The following ORC5 variants were observed in gnomAD, a reference collection of about 807,000 sequenced individuals.
ORC5 encodes origin recognition complex subunit 5.
A neutral mutation model predicts 58.8 loss-of-function variants in ORC5; 39 were observed. The ratio of observed to expected loss-of-function variants is 0.66; its 90% confidence interval spans 0.51 to 0.87. The LOEUF (loss-of-function observed/expected upper bound fraction) is 0.87. ORC5 is among the 40% of genes least tolerant of loss of function. The pLI is 0.00. For synonymous variants in ORC5, 218 were observed against 177.6 expected, an observed-to-expected ratio of 1.23 and a Z score of -1.81; for missense variants, 493 against 506.3, an observed-to-expected ratio of 0.97 and a Z score of 0.25.
chr7:104,203,478 A>G lies in ORC5; in HGVS notation c.165+664T>C, dbSNP rs138858486. Among the ~76,000 whole-genome samples the G allele has an allele frequency of 3.2e-4, 49 of 152,354 alleles. 1 individual carries two copies. The highest frequency in any genetic ancestry group is 1.2e-3 in the African/African-American group (49 of 41,584). On this transcript the variant is annotated intron_variant, in intron 2 of 13. Transcript: ENST00000297431. ...AAAGGGAGTATGGCAATACTCATCA[A>G]TAATAGCAGCTAACCTTTATTGAGT...
chr7:104,178,987 GAAAGT>G (rs976749628), intron 8 of ORC5, among the ~76,000 whole-genome samples: 5 of 151,880 alleles, frequency 3.3e-5, no homozygotes, highest in Non-Finnish European at 5.9e-5. Context: ...GGTTATTTTA[GAAAGT>G]AAATTTAAGA....
In ORC5 at chr7:104,129,869, C is replaced by G. The variant is rs1417195221; in HGVS notation, c.1263-2976G>C. On this transcript the variant is annotated intron_variant, in intron 13 of 13. Coordinates refer to ENST00000297431, the MANE Select transcript of ORC5 (RefSeq NM_002553.4). The surrounding 1 kb of genome is among the most constrained non-coding windows in gnomAD (Gnocchi z 4.9). ...CACGAATAGTGTGGTGGCAATTTTC[C>G]TAGGAGTAATTCTTAAATCAGAATT... 1.3e-5 allele frequency among the ~76,000 whole-genome samples: 2 copies of G among 152,116 alleles called. No homozygotes were observed. The highest frequency in any genetic ancestry group is 2.9e-5 in the Non-Finnish European group (2 of 68,034).
At chr7:104,189,330 C>T (rs376280111) in intron 5 of ORC5, among the ~76,000 whole-genome samples, 6 of 152,032 alleles carry the variant, frequency 3.9e-5, no homozygotes, top group East Asian at 1.9e-4. Context: ...GGGAAAATGC[C>T]GGATACTTAT....
rs761457297 is a variant in ORC5 at position 104,138,896 on chromosome 7, C to G, written c.1150-2003G>C. 3.3e-5 allele frequency among the ~76,000 whole-genome samples: 5 copies of G among 152,162 alleles called. No individual in the cohort carries two copies. The highest frequency in any genetic ancestry group is 7.4e-5 in the Non-Finnish European group (5 of 68,022). The stretch of plus-strand genomic sequence containing the variant: ...AAAGCAAAAGTGTATTTTGATAGGT[C>G]AAAATCAAAGTACAAAATCACTTAA... On this transcript the variant is annotated intron_variant, in intron 12 of 13. Coordinates refer to ENST00000297431, the MANE Select transcript of ORC5 (RefSeq NM_002553.4). This position sits in a 1 kb window ranked among gnomAD's most constrained non-coding sequence, Gnocchi z 4.7.
intron 5 of ORC5, among the ~76,000 whole-genome samples, chr7:104,191,261 C>T (rs1471885591): frequency 1.3e-5 from 2 of 151,466 alleles, no homozygotes; most frequent in East Asian, 1.9e-4. Flanking sequence ...CTAAAAGGTA[C>T]CATAAAACTT....
chr7:104,204,190 A>C lies in ORC5; in HGVS notation c.117T>G (p.Thr39=). Residue 39 remains threonine, a synonymous_variant, in exon 2 of 14, where the codon ACT becomes ACG. Coordinates refer to ENST00000297431, the MANE Select transcript of ORC5 (RefSeq NM_002553.4). ...GTGTTACATAGGTCTTTCCACTAGC[A>C]GTATGTCCATAAATAAAAATGGATG... ...SFPSIFIYGH[T]ASGKTYVTQT... The C allele has an allele frequency of 6.2e-7, 1 of 1,602,560 alleles. No individual in the cohort carries two copies. Among genetic ancestry groups the C allele is most frequent in the Non-Finnish European group, 8.5e-7 (1 of 1,174,308 alleles).
chr7:104,195,136 G>A lies in ORC5; in HGVS notation c.553+7C>T. 2.8e-6 allele frequency: 4 copies of A among 1,454,254 alleles called. No homozygotes were observed. Among genetic ancestry groups the A allele is most frequent in the Non-Finnish European group, 3.7e-6 (4 of 1,069,356 alleles). The allele number at this position is 1,454,254 out of a possible 1,614,324, so 90.1% of individuals were successfully genotyped here. A position where few individuals can be genotyped will look rare whatever the true frequency, so the allele number is the denominator to read the frequency against. On this transcript the variant is annotated splice_region_variant and intron_variant, in intron 5 of 13. Transcript: ENST00000297431. ...ATCATTTGCCAAAACAATGTTTTAA[G>A]GTTTACCTATGCTGTAATCAGGGAA...
In ORC5 at chr7:104,160,187, T is replaced by C. The variant is rs191635202; in HGVS notation, c.1149+885A>G. Among the ~76,000 whole-genome samples, 19 of 152,290 alleles carry C rather than the reference T, an allele frequency of 1.2e-4. No homozygotes were observed. In the East Asian group the frequency reaches 3.1e-3, roughly 25 times the overall value. ...CTATCTAAATTCAATGTTGAGAAAA[T>C]TGAGATTATATTTGTTACTCAAACT... On this transcript the variant is annotated intron_variant, in intron 12 of 13. Transcript: ENST00000297431.
At position 104,136,840 on chromosome 7, in the gene ORC5, C is replaced by A. The variant is rs202140177; in HGVS notation, c.1203G>T (p.Gln401His). 1 of 1,614,050 alleles carries A rather than the reference C, an allele frequency of 6.2e-7. No individual in the cohort carries two copies. The highest frequency in any genetic ancestry group is 8.5e-7 in the Non-Finnish European group (1 of 1,179,940). ...QLLTLVGHDD[Q>H]LDGPKYKCTV... ...TGCATTTGTATTTTGGTCCATCAAG[C>A]TGATCGTCATGGCCAACCAGGGTTA... is the stretch of plus-strand genomic sequence containing the variant. Residue 401 changes from glutamine to histidine, a missense_variant, in exon 13 of 14, where the codon CAG (glutamine) becomes CAT (histidine). Transcript: ENST00000297431. The surrounding 1 kb of genome is among the most constrained non-coding windows in gnomAD (Gnocchi z 4.2).
chr7:104,154,695 A>G (rs1389846166), intron 12 of ORC5, among the ~76,000 whole-genome samples: 3 of 151,760 alleles, frequency 2.0e-5, no homozygotes, highest in Non-Finnish European at 4.4e-5. Flanking sequence ...CCAACCATGG[A>G]AAAAAAATAA....
chr7:104,126,729 C>A lies in ORC5; in HGVS notation c.*119G>T. ...CATCAGATTCCATGCTGGGCCAGCA[C>A]CTGTTTGGACAAATCCAATAGAGCC... On this transcript the variant is annotated 3_prime_UTR_variant, in exon 14 of 14. Transcript: ENST00000297431. 1.5e-6 allele frequency: 1 copy of A among 676,160 alleles called. No homozygotes were observed. The allele number at this position is 676,160 out of a possible 1,614,324, so 41.9% of individuals were successfully genotyped here.
At chr7:104,207,731 T>G (rs1225044565) in intron 1 of ORC5, 102 bp downstream of exon 1, 1 of 1,112,772 alleles carries the variant, frequency 9.0e-7, no homozygotes, top group African/African-American at 1.5e-5. Context: ...AAAACGGCCT[T>G]TTGGCCCTCA....
intron 8 of ORC5, among the ~76,000 whole-genome samples, chr7:104,170,208 GT>G (rs911043850): frequency 3.3e-4 from 50 of 152,158 alleles, no homozygotes; most frequent in African/African-American, 9.4e-4. Flanking sequence ...AAGCTCAGAG[GT>G]TTTTTTCTGT....
At chr7:104,188,510 T>C in intron 5 of ORC5, 129 bp from the exon 6 acceptor site, 1 of 590,108 alleles carries the variant, frequency 1.7e-6, no homozygotes, top group Non-Finnish European at 2.9e-6. Flanking sequence ...ATAATAAAAC[T>C]ATTACAAGAT....
chr7:104,194,817 A>C (rs1037588404), intron 5 of ORC5, among the ~76,000 whole-genome samples: 47 of 152,160 alleles, frequency 3.1e-4, no homozygotes, highest in Admixed American at 3.1e-3. Flanking sequence ...AGAGCTGCTC[A>C]TCCAAAAAAA....
chr7:104,159,802 T>A (rs893251821), intron 12 of ORC5, among the ~76,000 whole-genome samples: 1 of 152,196 alleles, frequency 6.6e-6, no homozygotes, highest in Non-Finnish European at 1.5e-5. Flanking sequence ...CTCCATTGCT[T>A]ATAATAAAGA....
intron 12 of ORC5, among the ~76,000 whole-genome samples, chr7:104,146,639 G>A (rs931115996): frequency 1.3e-4 from 20 of 152,172 alleles, no homozygotes; most frequent in African/African-American, 4.6e-4. Flanking sequence ...CAGTTAACAG[G>A]AATTGGGGAA....
chr7:104,193,323 G>C (rs1799718904), intron 5 of ORC5, among the ~76,000 whole-genome samples: 2 of 151,984 alleles, frequency 1.3e-5, no homozygotes, highest in Admixed American at 1.3e-4. Flanking sequence ...ATGTTCTTAG[G>C]TAGGAAACTG....
intron 13 of ORC5, among the ~76,000 whole-genome samples, chr7:104,134,055 G>T (rs1306001426): frequency 6.6e-6 from 1 of 152,154 alleles, no homozygotes; most frequent in Non-Finnish European, 1.5e-5. Context: ...CTTCAACCTT[G>T]TTCTGTGAAA....
Sources: gnomAD v4.1 joint callset for allele counts (sites outside exome capture counted in the v4.1 genomes callset) on GRCh38, gnomAD v4.1.1 for gene constraint, Gnocchi (gnomAD v3.1) non-coding constraint, MANE v1.5 for transcripts, NCBI Gene and HGNC (gene_info 2026-07-23, HGNC 2026-07-21) for gene names.